The following ACCS variants were observed in gnomAD, a reference collection of about 807,000 sequenced individuals.
ACCS encodes 1-aminocyclopropane-1-carboxylate synthase homolog (inactive).
A neutral mutation model predicts 59.8 loss-of-function variants in ACCS; 42 were observed. That is an observed-to-expected ratio of 0.70 (90% CI 0.55 to 0.91). The LOEUF (loss-of-function observed/expected upper bound fraction) is 0.91. Ranked by LOEUF, ACCS falls within the 40% of genes least tolerant of loss-of-function variation. ACCS has a pLI of 0.00. For missense variants in ACCS, 602 were observed against 630.4 expected (o/e 0.95, Z 0.48); for synonymous variants, 230 against 240.3 (o/e 0.96, Z 0.40).
chr11:44,081,684 G>T lies in ACCS; in HGVS notation c.1111+364G>T, dbSNP rs144221640. 8.8e-4 allele frequency among the ~76,000 whole-genome samples: 134 copies of T among 152,294 alleles called. 4 individuals carry two copies. The East Asian group carries it at 0.023, about 26-fold the overall frequency. ...GCTGTGTGAGCACCTAAAAAACAGA[G>T]CAGGGTCGAGCATGGAGGTTCATGC... On this transcript the variant is annotated intron_variant, in intron 12 of 14. Coordinates refer to ENST00000263776, the MANE Select transcript of ACCS (RefSeq NM_032592.4).
At chr11:44,077,206 T>G in intron 6 of ACCS, 73 bp from the exon 7 acceptor site, 1 of 1,511,610 alleles carries the variant, frequency 6.6e-7, no homozygotes, top group South Asian at 1.2e-5. Context: ...GGAGAGGGAC[T>G]GGGGACAGTG....
chr11:44,074,049 G>A (rs1322802300), intron 4 of ACCS, among the ~76,000 whole-genome samples: 3 of 152,148 alleles, frequency 2.0e-5, no homozygotes, highest in Admixed American at 1.3e-4. Context: ...TGTAAAGCAC[G>A]TGTTCTTCTA....
intron 5 of ACCS, 84 bp downstream of exon 5, chr11:44,074,765 T>C (rs1953254587): frequency 8.9e-6 from 4 of 451,084 alleles, no homozygotes; most frequent in Non-Finnish European, 1.0e-5. Context: ...TCTTTCTTTC[T>C]TTCTTTCTTT....
At chr11:44,078,533 T>G in intron 8 of ACCS, 151 bp from the exon 9 acceptor site, 1 of 594,086 alleles carries the variant, frequency 1.7e-6, no homozygotes, top group South Asian at 2.5e-5. Flanking sequence ...GCAGATGTAA[T>G]TCTGTGTTCC....
At chr11:44,079,338 G>A in intron 9 of ACCS, 193 bp from the exon 10 acceptor site, 2 of 566,640 alleles carry the variant, frequency 3.5e-6, no homozygotes, top group Non-Finnish European at 6.3e-6. Flanking sequence ...AAGCTCCTCT[G>A]TCACCTGCTC....
chr11:44,073,624 T>A lies in ACCS; in HGVS notation c.419+107T>A, dbSNP rs1365264299. Reference sequence around the variant, plus strand: ...GAAGTCAGGTGCTCCTGGCATTTAGTGTGTAGAGGTCAGGGATGCTGCCTA... The same window carrying A: ...GAAGTCAGGTGCTCCTGGCATTTAGAGTGTAGAGGTCAGGGATGCTGCCTA... On this transcript the variant is annotated intron_variant, in intron 4 of 14. Transcript: ENST00000263776. The A allele has an allele frequency of 9.0e-6, 10 of 1,115,274 alleles. No individual in the cohort carries two copies. In the East Asian group the frequency reaches 1.3e-4, roughly 14 times the overall value. 69.1% of individuals were successfully genotyped at this position (1,115,274 alleles called of 1,614,324 possible).
chr11:44,071,209 G>T, intron 2 of ACCS, 47 bp from the exon 3 acceptor site: 1 of 1,608,750 alleles, frequency 6.2e-7, no homozygotes, highest in East Asian at 2.2e-5. Context: ...CCTTTCACTG[G>T]CACCCCCCTG....
rs1054388946 is a variant in ACCS, at chr11:44,083,916, C to T, written c.*124C>T. On this transcript the variant is annotated 3_prime_UTR_variant, in exon 15 of 15. Coordinates refer to ENST00000263776, the MANE Select transcript of ACCS (RefSeq NM_032592.4). ...GAAGGTATCTAACTTGGCTTTGTGC[C>T]TGAAGAACTGTTTCTTGTCTTTCGC... is the stretch of plus-strand genomic sequence containing the variant. 1.2e-5 allele frequency: 18 copies of T among 1,489,530 alleles called. No homozygotes were observed. Among genetic ancestry groups the T allele is most frequent in the Non-Finnish European group, 1.6e-5 (18 of 1,120,552 alleles). 92.3% of individuals were successfully genotyped at this position (1,489,530 alleles called of 1,614,324 possible).
chr11:44,074,535 A>G (rs548442752), intron 4 of ACCS, 77 bp from the exon 5 acceptor site: 1 of 1,108,380 alleles, frequency 9.0e-7, no homozygotes, highest in East Asian at 2.4e-5. Context: ...CTGCCTGAGG[A>G]TTCACCAGAG....
intron 3 of ACCS, among the ~76,000 whole-genome samples, chr11:44,072,890 G>A (rs536385025): frequency 2.0e-5 from 3 of 152,282 alleles, no homozygotes; most frequent in African/African-American, 2.4e-5. Flanking sequence ...GCCCCAGTGC[G>A]TAAGGCCCCT....
chr11:44,076,643 G>C lies in ACCS; in HGVS notation c.557-636G>C, dbSNP rs564787085. ...CTCCTTCGGAGACTAATTGTCAGGA[G>C]CAAATGAGATAAAATAGAAACAAAT... On this transcript the variant is annotated intron_variant, in intron 6 of 14. Transcript: ENST00000263776. Among the ~76,000 whole-genome samples the C allele has an allele frequency of 3.9e-5, 6 of 152,354 alleles. No homozygotes were observed. In the East Asian group the frequency reaches 1.2e-3, roughly 29 times the overall value.
chr11:44,083,179 C>G lies in ACCS; in HGVS notation c.1122C>G (p.Asn374Lys). 1 of 1,614,120 alleles carries G rather than the reference C, an allele frequency of 6.2e-7. No homozygotes were observed. The highest frequency in any genetic ancestry group is 8.5e-7 in the Non-Finnish European group (1 of 1,179,984). Residue 374 changes from asparagine to lysine, a missense_variant, in exon 13 of 15, where the codon AAC (asparagine) becomes AAG (lysine). Asn to Lys is a moderately conservative substitution (Grantham distance 94, BLOSUM62 0). Coordinates refer to ENST00000263776, the MANE Select transcript of ACCS (RefSeq NM_032592.4). ...CTTTCACCCAAACAGACTGGATCAA[C>G]CAGGTGTACCTGCCGGAAAACCATG... ...AQLLRDRDWI[N>K]QVYLPENHAR...
intron 2 of ACCS, among the ~76,000 whole-genome samples, chr11:44,070,466 C>T (rs1286019676): frequency 6.6e-6 from 1 of 152,084 alleles, no homozygotes; most frequent in Non-Finnish European, 1.5e-5. Flanking sequence ...CTTACCAGGT[C>T]GTGAAGGAGC....
At position 44,071,257 on chromosome 11, in the gene ACCS, G is replaced by A. The variant is rs1590462944; in HGVS notation, c.290G>A (p.Gly97Asp). 5 of 1,613,996 alleles carry A rather than the reference G, an allele frequency of 3.1e-6. 1 individual carries two copies. The highest frequency in any genetic ancestry group is 1.7e-5 in the Admixed American group (1 of 60,000). ...TGCCTCTGTACCTCTCATCTCCAGGGCATCATTAACTTGGGCACCAGTGAG... is the reference window on the plus strand; with the variant it reads ...TGCCTCTGTACCTCTCATCTCCAGGACATCATTAACTTGGGCACCAGTGAG... ...DEYDEDKNPS[G>D]IINLGTSENK... is the part of the protein sequence containing the mutation. Residue 97 changes from glycine to aspartate, a missense_variant and splice_region_variant, in exon 3 of 15, where the codon GGC (glycine) becomes GAC (aspartate). Gly to Asp is a moderately conservative substitution (Grantham distance 94, BLOSUM62 -1). Transcript: ENST00000263776.
chr11:44,081,260 C>T lies in ACCS; in HGVS notation c.1051C>T (p.Arg351Cys), dbSNP rs757264819. The change falls in exon 12 of 15, where the codon CGC becomes TGC. Residue 351 changes from arginine (R) to cysteine (C), a missense_variant. By Grantham distance (180) the Arg-to-Cys change is radical. Transcript: ENST00000263776. ...DVATAVASLC[R>C]YHGLSGLVQY... ...GGCCACTGCCGTGGCTTCCCTCTGC[C>T]GCTACCACGGCCTCAGTGGCTTGGT... 53 of 1,614,148 alleles carry T rather than the reference C, an allele frequency of 3.3e-5. No homozygotes were observed. The highest frequency in any genetic ancestry group is 9.3e-5 in the African/African-American group (7 of 74,956).
In ACCS at chr11:44,067,609, G is replaced by C. The variant is rs1952850135; in HGVS notation, c.1-19G>C. 2 of 1,587,796 alleles carry C rather than the reference G, an allele frequency of 1.3e-6. No homozygotes were observed. The highest frequency in any genetic ancestry group is 1.3e-5 in the African/African-American group (1 of 74,328). ...ATGGAAATCCCTTGAGCAGGCCTGT[G>C]CGTTTTGTCTTTTTGCAGATGTTCA... On this transcript the variant is annotated intron_variant, in intron 1 of 14. Coordinates refer to ENST00000263776, the MANE Select transcript of ACCS (RefSeq NM_032592.4).
rs760302973 is a variant in ACCS at position 44,074,647 on chromosome 11, A to G, written c.455A>G (p.Tyr152Cys). 9.9e-6 allele frequency: 16 copies of G among 1,613,568 alleles called. No individual in the cohort carries two copies. The highest frequency in any genetic ancestry group is 3.3e-5 in the South Asian group (3 of 90,962). ...GAAGTGGCCAAGTTCCTGTCTTTCT[A>G]CTGCAAGAGCCCAGTACCCCTCAGA... Reference protein sequence around the residue: ...REEVAKFLSFYCKSPVPLRPE... With the variant: ...REEVAKFLSFCCKSPVPLRPE... Residue 152 changes from tyrosine to cysteine, a missense_variant, in exon 5 of 15, where the codon TAC becomes TGC. Physicochemically the swap from Tyr to Cys is radical, Grantham distance 194. Transcript: ENST00000263776.
At chr11:44,071,367 TC>T in intron 3 of ACCS, 52 bp downstream of exon 3, 3 of 1,590,968 alleles carry the variant, frequency 1.9e-6, no homozygotes, top group Non-Finnish European at 2.6e-6. Flanking sequence ...GGAGCTGTCT[TC>T]CCTGGAATGC....
At chr11:44,072,809 G>A (rs1361783585) in intron 3 of ACCS, among the ~76,000 whole-genome samples, 1 of 152,174 alleles carries the variant, frequency 6.6e-6, no homozygotes, top group Non-Finnish European at 1.5e-5. Flanking sequence ...GTGGCTCTAA[G>A]GGAGGAAGGG....
Sources: allele counts gnomAD v4.1 joint callset (sites outside exome capture counted in the v4.1 genomes callset), GRCh38; gene constraint gnomAD v4.1.1; transcripts MANE v1.5; gene names NCBI Gene and HGNC (gene_info 2026-07-23, HGNC 2026-07-21).